The following CADM2 variants were observed in gnomAD, a reference collection of about 807,000 sequenced individuals.
CADM2 encodes immunoglobulin superfamily member 4D.
In CADM2, 12 loss-of-function variants were observed where a neutral mutation model predicts 49.8. The ratio of observed to expected loss-of-function variants is 0.24; its 90% CI spans 0.15 to 0.39. The LOEUF (loss-of-function observed/expected upper bound fraction) is 0.39. CADM2 is among the 10% of genes least tolerant of loss of function. The pLI is 1.00. For synonymous variants in CADM2, 214 were observed against 175.4 expected (o/e 1.22, Z -1.74); for missense variants, 378 against 492.3 (o/e 0.77, Z 2.20).
intron 1 of CADM2, among the ~76,000 whole-genome samples, chr3:85,725,066 A>G (rs1012167867): frequency 6.6e-6 from 1 of 151,896 alleles, no homozygotes; most frequent in Non-Finnish European, 1.5e-5. Flanking sequence ...CACTTTGTCT[A>G]TGTCCATTTG....
intron 3 of CADM2, among the ~76,000 whole-genome samples, chr3:85,826,543 A>G (rs2073921368): frequency 6.6e-6 from 1 of 152,062 alleles, no homozygotes; most frequent in African/African-American, 2.4e-5. Context: ...GTTAAGAGAA[A>G]GTGTGAAATA....
intron 6 of CADM2, among the ~76,000 whole-genome samples, chr3:85,912,980 C>G (rs1257900875): frequency 6.6e-6 from 1 of 152,044 alleles, no homozygotes; most frequent in African/African-American, 2.4e-5. Context: ...ATGGCATATA[C>G]TAATGTATAA....
intron 1 of CADM2, among the ~76,000 whole-genome samples, chr3:85,337,030 A>T (rs1158429578): frequency 4.4e-5 from 6 of 137,744 alleles, no homozygotes; most frequent in East Asian, 2.0e-4. Context: ...AATAAATATA[A>T]ATATATATAT....
intron 2 of CADM2, among the ~76,000 whole-genome samples, chr3:85,738,644 C>A (rs1418433936): frequency 6.6e-6 from 1 of 152,160 alleles, no homozygotes; most frequent in Non-Finnish European, 1.5e-5. Flanking sequence ...CTCACCATAT[C>A]TCTCTTTCTT....
chr3:86,022,753 A>G (rs946331453), intron 8 of CADM2, among the ~76,000 whole-genome samples: 2 of 152,166 alleles, frequency 1.3e-5, no homozygotes, highest in Admixed American at 6.6e-5. Context: ...AATTTAACCT[A>G]GGTTATTCAA....
rs960598487 is a variant in CADM2 at position 86,069,943 on chromosome 3, A to G, written c.*3160A>G. The G allele has an allele frequency of 5.3e-5, 8 of 151,832 alleles. No homozygotes were observed. Among genetic ancestry groups the G allele is most frequent in the African/African-American group, 1.9e-4 (8 of 41,428 alleles). The allele number at this position is 151,832 out of a possible 1,614,324, so 9.4% of individuals were successfully genotyped here. ...GATTAAAGACAGAGCGCATGAGCAG[A>G]GTACTGATGGTGTGCGTGTTTGTGT... On this transcript the variant is annotated 3_prime_UTR_variant, in exon 10 of 10. Coordinates refer to ENST00000383699, the MANE Select transcript of CADM2 (RefSeq NM_001167675.2).
rs1482387238 is a variant in CADM2, at chr3:85,762,715, A to G, written c.88+36167A>G. ...AATGTACTATATATATGTATATACT[A>G]TATACACACATACACTGCCTATAAA... On this transcript the variant is annotated intron_variant, in intron 2 of 9. Coordinates refer to ENST00000383699, the MANE Select transcript of CADM2 (RefSeq NM_001167675.2). Among the ~76,000 whole-genome samples, 14 of 151,534 alleles carry G rather than the reference A, an allele frequency of 9.2e-5. No individual in the cohort carries two copies. In the Admixed American group the frequency reaches 9.2e-4, roughly 10 times the overall value.
chr3:85,726,602 C>G, intron 2 of CADM2, 54 bp downstream of exon 2: 1 of 1,389,514 alleles, frequency 7.2e-7, no homozygotes, highest in South Asian at 1.2e-5. Context: ...TCTGCTCAAT[C>G]TTCTAAGTTC....
intron 1 of CADM2, among the ~76,000 whole-genome samples, chr3:85,378,424 T>G (rs1426859809): frequency 6.6e-6 from 1 of 152,074 alleles, no homozygotes; most frequent in Non-Finnish European, 1.5e-5. Context: ...AGCCTGCTGC[T>G]CCTACTGATA....
At chr3:85,983,515 T>A (rs1213692359) in intron 8 of CADM2, among the ~76,000 whole-genome samples, 2 of 151,680 alleles carry the variant, frequency 1.3e-5, no homozygotes, top group Non-Finnish European at 3.0e-5. Context: ...TTATATAATA[T>A]CTAAAGTTAT....
chr3:85,902,258 T>G (rs1392103492), intron 5 of CADM2, among the ~76,000 whole-genome samples: 1 of 152,044 alleles, frequency 6.6e-6, no homozygotes, highest in Non-Finnish European at 1.5e-5. Flanking sequence ...GATGGTCTTT[T>G]CTATCATTTT....
intron 6 of CADM2, among the ~76,000 whole-genome samples, chr3:85,931,984 A>C (rs1399149620): frequency 6.6e-6 from 1 of 151,692 alleles, no homozygotes; most frequent in African/African-American, 2.4e-5. Context: ...TTAAGTAGTA[A>C]GTTGATGTGA....
intron 1 of CADM2, among the ~76,000 whole-genome samples, chr3:85,200,189 G>A (rs1011420909): frequency 6.6e-6 from 1 of 151,926 alleles, no homozygotes. Flanking sequence ...TAATATAGAC[G>A]TTAATATGAC....
intron 4 of CADM2, among the ~76,000 whole-genome samples, chr3:85,885,624 G>A (rs1227926807): frequency 2.0e-5 from 3 of 147,842 alleles, no homozygotes; most frequent in African/African-American, 7.5e-5. Flanking sequence ...GGAGGTTGCA[G>A]TGAACAGAGA....
intron 2 of CADM2, among the ~76,000 whole-genome samples, chr3:85,737,966 G>T (rs915645996): frequency 2.0e-5 from 3 of 152,106 alleles, no homozygotes; most frequent in Non-Finnish European, 2.9e-5. Context: ...CTCTAAGATG[G>T]GTTAATCATC....
chr3:85,834,920 C>A (rs938205460), intron 3 of CADM2, among the ~76,000 whole-genome samples: 1 of 151,546 alleles, frequency 6.6e-6, no homozygotes, highest in Non-Finnish European at 1.5e-5. Flanking sequence ...CAGCTGAAAT[C>A]TAACTAGATT....
intron 1 of CADM2, among the ~76,000 whole-genome samples, chr3:85,454,749 T>G (rs2037916506): frequency 6.6e-6 from 1 of 152,266 alleles, no homozygotes; most frequent in Non-Finnish European, 1.5e-5. Context: ...ATGAACCAAC[T>G]GAAGTGCTAA....
At chr3:85,464,295 A>G (rs989786698) in intron 1 of CADM2, among the ~76,000 whole-genome samples, 1 of 152,174 alleles carries the variant, frequency 6.6e-6, no homozygotes, top group African/African-American at 2.4e-5. Context: ...TGATCACATC[A>G]ATCTAAAACT....
chr3:85,307,902 G>A (rs1165655317), intron 1 of CADM2, among the ~76,000 whole-genome samples: 1 of 148,714 alleles, frequency 6.7e-6, no homozygotes, highest in Non-Finnish European at 1.5e-5. Context: ...TATTAAAATA[G>A]GTACACATTT....
Sources: allele counts gnomAD v4.1 joint callset (sites outside exome capture counted in the v4.1 genomes callset), GRCh38; gene constraint gnomAD v4.1.1; transcripts MANE v1.5; gene names NCBI Gene and HGNC (gene_info 2026-07-23, HGNC 2026-07-21).